PRKD2: variants seen among roughly 807,000 people sequenced by gnomAD.
The protein encoded by PRKD2 is serine/threonine-protein kinase D2.
In PRKD2, 22 loss-of-function variants were observed where a neutral mutation model predicts 86.0. That is an observed-to-expected ratio of 0.26 (90% CI 0.18 to 0.37). The LOEUF (loss-of-function observed/expected upper bound fraction) is 0.37, where lower values mean the gene tolerates loss of function less well. Ranked by LOEUF, PRKD2 falls within the 10% of genes least tolerant of loss-of-function variation. The pLI, the probability that PRKD2 is intolerant of heterozygous loss-of-function variation, is 1.00. For synonymous variants in PRKD2, 509 were observed against 510.9 expected (o/e 1.00, Z 0.05); for missense variants, 818 against 1,199.2 (o/e 0.68, Z 4.70).
At position 46,674,505 on chromosome 19, in the gene PRKD2, G is replaced by A; in HGVS notation, c.*18C>T. The A allele has an allele frequency of 1.1e-5, 17 of 1,601,646 alleles. No homozygotes were observed. The highest frequency in any genetic ancestry group is 1.5e-5 in the Non-Finnish European group (17 of 1,172,328). On this transcript the variant is annotated 3_prime_UTR_variant, in exon 18 of 18. Coordinates refer to ENST00000291281, the MANE Select transcript of PRKD2 (RefSeq NM_016457.5). The stretch of plus-strand genomic sequence containing the variant: ...AGAACCGCTGTGGAGGGCAGCAGCT[G>A]GACGAGGGCACAGGACCTCAGAGAA...
rs555110208 is a variant in PRKD2 at position 46,709,549 on chromosome 19, C to T, written c.511+1358G>A. Among the ~76,000 whole-genome samples, 16 of 151,652 alleles carry T rather than the reference C, an allele frequency of 1.1e-4. No individual in the cohort carries two copies. The East Asian group carries it at 2.4e-3, about 22-fold the overall frequency. On this transcript the variant is annotated intron_variant, in intron 3 of 17. Coordinates refer to ENST00000291281, the MANE Select transcript of PRKD2 (RefSeq NM_016457.5). ...GGCTTTTTTGTATTTTTAGTAGAGA[C>T]GGGGTTTCACCATGTTGGACAGGCT...
In PRKD2 at chr19:46,689,693, C is replaced by T; in HGVS notation, c.1815G>A (p.Leu605=). ...CCAGGTTCACGATCCCGGGATGCCG[C>T]AGGCTCTGCAGGGTGGGGAGCGGGG... is the stretch of plus-strand genomic sequence containing the variant. ...LRNEVAILQS[L]RHPGIVNLEC... is the part of the protein sequence containing the mutation. The change falls in exon 14 of 18, where the codon CTG becomes CTA. Residue 605 remains leucine (L), a synonymous_variant. Transcript: ENST00000291281. The T allele has an allele frequency of 6.2e-7, 1 of 1,614,022 alleles. No homozygotes were observed. The highest frequency in any genetic ancestry group is 1.7e-4 in the Middle Eastern group (1 of 6,058).
At chr19:46,715,030 A>G (rs1188417457) in intron 1 of PRKD2, among the ~76,000 whole-genome samples, 1 of 152,202 alleles carries the variant, frequency 6.6e-6, no homozygotes, top group African/African-American at 2.4e-5. Flanking sequence ...CATTTCCAGG[A>G]GTCTGAAAAG....
intron 14 of PRKD2, among the ~76,000 whole-genome samples, chr19:46,687,761 G>C (rs1410042404): frequency 6.6e-6 from 1 of 152,210 alleles, no homozygotes; most frequent in African/African-American, 2.4e-5. Context: ...GGTCATCCCT[G>C]TGTCCTCAAC....
At chr19:46,690,793 C>A in intron 12 of PRKD2, 87 bp from the exon 13 acceptor site, 2 of 1,231,768 alleles carry the variant, frequency 1.6e-6, no homozygotes, top group Non-Finnish European at 2.3e-6. Flanking sequence ...CAACCTCTGC[C>A]CCCCACCATG....
chr19:46,703,538 G>A (rs1005765611), intron 5 of PRKD2, among the ~76,000 whole-genome samples: 17 of 152,050 alleles, frequency 1.1e-4, no homozygotes, highest in African/African-American at 2.7e-4. Flanking sequence ...TTGGGAGGTC[G>A]AGGCAGGTGG....
intron 3 of PRKD2, 118 bp downstream of exon 3, chr19:46,710,789 G>A: frequency 2.7e-6 from 3 of 1,117,400 alleles, no homozygotes; most frequent in Non-Finnish European, 3.7e-6. Context: ...CCTAGGCTGC[G>A]CCCCCAGCTC....
At chr19:46,700,679 C>T (rs1280119018) in intron 7 of PRKD2, 120 bp downstream of exon 7, 1 of 1,333,632 alleles carries the variant, frequency 7.5e-7, no homozygotes, top group African/African-American at 1.5e-5. Flanking sequence ...AGGTTTGCCT[C>T]AGGAACTGGG....
At chr19:46,695,437 C>T (rs1027307271) in intron 9 of PRKD2, among the ~76,000 whole-genome samples, 19 of 152,214 alleles carry the variant, frequency 1.2e-4, no homozygotes, top group Non-Finnish European at 2.1e-4. Context: ...GAGCCAAGAT[C>T]GCGCCACTGC....
At chr19:46,685,431 G>A (rs1194035704) in intron 14 of PRKD2, 1 of 152,088 alleles carries the variant, frequency 6.6e-6, no homozygotes, top group Non-Finnish European at 1.5e-5. Context: ...CTACCTCCTA[G>A]GATGGTGGTG....
chr19:46,680,438 G>A (rs760676610), intron 15 of PRKD2, among the ~76,000 whole-genome samples: 8 of 151,662 alleles, frequency 5.3e-5, no homozygotes, highest in Non-Finnish European at 8.8e-5. Context: ...ACAGGTTCCC[G>A]CCACCATGCC....
At position 46,703,958 on chromosome 19, in the gene PRKD2, A is replaced by AACAACACACACACACAC. The variant is rs1555830816; in HGVS notation, c.889+210_889+211insGTGTGTGTGTGTGTTGT. Among the ~76,000 whole-genome samples, 145 of 133,738 alleles carry AACAACACACACACACAC rather than the reference A, an allele frequency of 1.1e-3. 1 individual carries two copies. The highest frequency in any genetic ancestry group is 3.7e-3 in the African/African-American group (127 of 34,304). The allele number at this position is 133,738 out of a possible 152,430, so 87.7% of individuals were successfully genotyped here. A position where few individuals can be genotyped will look rare whatever the true frequency, so the allele number is the denominator to read the frequency against. ...CACCCTGTCTCCAAAAAACAACAAC[A>AACAACACACACACACAC]ACACACACACACACACACACACACA... On this transcript the variant is annotated intron_variant, in intron 5 of 17. Transcript: ENST00000291281.
At chr19:46,687,811 G>A (rs1465560176) in intron 14 of PRKD2, among the ~76,000 whole-genome samples, 1 of 152,174 alleles carries the variant, frequency 6.6e-6, no homozygotes, top group Non-Finnish European at 1.5e-5. Context: ...AGGGACTAGG[G>A]AGTGTTTGTT....
At chr19:46,684,798 A>C (rs1039152459) in intron 14 of PRKD2, among the ~76,000 whole-genome samples, 1 of 151,720 alleles carries the variant, frequency 6.6e-6, no homozygotes, top group Middle Eastern at 3.4e-3. Flanking sequence ...CCCCATCTCT[A>C]CTAAAAATAC....
intron 3 of PRKD2, among the ~76,000 whole-genome samples, chr19:46,706,062 G>C (rs2053710381): frequency 6.6e-6 from 1 of 151,702 alleles, no homozygotes; most frequent in Non-Finnish European, 1.5e-5. Context: ...ATGGGGTCTC[G>C]CTACATTGCC....
chr19:46,696,118 C>T (rs1046183443), intron 9 of PRKD2, among the ~76,000 whole-genome samples: 2 of 152,258 alleles, frequency 1.3e-5, no homozygotes, highest in African/African-American at 4.8e-5. Context: ...GGATTACAGG[C>T]GTGAGCCACC....
In PRKD2 at chr19:46,678,722, TC is replaced by T; in HGVS notation, c.2071-60del. On this transcript the variant is annotated intron_variant, in intron 15 of 17. Coordinates refer to ENST00000291281, the MANE Select transcript of PRKD2 (RefSeq NM_016457.5). The surrounding 1 kb of genome is among the most constrained non-coding windows in gnomAD (Gnocchi z 5.7). Reference sequence around the variant, plus strand: ...TGATGGAGCCGCACCCACCCCAGCATCCCCACCACACCACCCTCCATGGTAT... The same window carrying T: ...TGATGGAGCCGCACCCACCCCAGCATCCCACCACACCACCCTCCATGGTAT... 1 of 1,534,598 alleles carries T rather than the reference TC, an allele frequency of 6.5e-7. No homozygotes were observed.
chr19:46,697,409 T>G, intron 8 of PRKD2, 175 bp from the exon 9 acceptor site: 1 of 193,208 alleles, frequency 5.2e-6, no homozygotes, highest in Non-Finnish European at 8.6e-6. Context: ...GCCCCGCCCC[T>G]AGCCTTAACC....
intron 12 of PRKD2, among the ~76,000 whole-genome samples, chr19:46,690,998 T>C (rs2053475825): frequency 6.6e-6 from 1 of 152,072 alleles, no homozygotes; most frequent in Non-Finnish European, 1.5e-5. Context: ...GTGTGACCCG[T>C]AAGAGTCCTG....
Sources: gnomAD v4.1 joint callset for allele counts (sites outside exome capture counted in the v4.1 genomes callset) on GRCh38, gnomAD v4.1.1 for gene constraint, Gnocchi (gnomAD v3.1) non-coding constraint, MANE v1.5 for transcripts, NCBI Gene and HGNC (gene_info 2026-07-23, HGNC 2026-07-21) for gene names.